Variants in TBC1D7 observed in about 807,000 individuals in gnomAD.
TBC1D7 encodes the protein TBC domain family 7.
TBC1D7 carries 33 observed loss-of-function variants against 35.3 expected under a neutral mutation model. That is an observed-to-expected ratio of 0.93 (90% CI 0.71 to 1.25). The LOEUF (loss-of-function observed/expected upper bound fraction) is 1.25. Among genes scored for constraint, TBC1D7 ranks in the 50% most tolerant of loss-of-function variants. TBC1D7 has a pLI of 0.00. For synonymous variants in TBC1D7, 135 were observed against 129.5 expected, an observed-to-expected ratio of 1.04 and a Z score of -0.29; for missense variants, 362 against 365.3, an observed-to-expected ratio of 0.99 and a Z score of 0.07.
intron 1 of TBC1D7, chr6:13,327,717 A>C (rs1352071585): frequency 6.6e-6 from 1 of 152,236 alleles, no homozygotes; most frequent in Admixed American, 6.5e-5. Context: ...AAGTTCCTTC[A>C]CAGTAACCTT....
Position 13,310,508 on chromosome 6 carries a change from T to A in TBC1D7, c.520-2763A>T, listed in dbSNP as rs1167056416. 3.3e-5 allele frequency among the ~76,000 whole-genome samples: 5 copies of A among 152,128 alleles called. No individual in the cohort carries two copies. The East Asian group carries it at 9.7e-4, about 29-fold the overall frequency. On this transcript the variant is annotated intron_variant, in intron 5 of 7. Coordinates refer to ENST00000379300, the MANE Select transcript of TBC1D7 (RefSeq NM_016495.6). ...CAAAAATTAGCTGGGCGTGGTGGCATGTGCCGGTGATCCCAGCTACTTGGG... is the reference window on the plus strand; with the variant it reads ...CAAAAATTAGCTGGGCGTGGTGGCAAGTGCCGGTGATCCCAGCTACTTGGG...
In TBC1D7 at chr6:13,307,739, C is replaced by T. The variant is rs1377068079; in HGVS notation, c.526G>A (p.Ala176Thr). 1 of 1,613,412 alleles carries T rather than the reference C, an allele frequency of 6.2e-7. No individual in the cohort carries two copies. Among genetic ancestry groups the T allele is most frequent in the Non-Finnish European group, 8.5e-7 (1 of 1,179,558 alleles). Residue 176 changes from alanine (A) to threonine (T), a missense_variant, in exon 6 of 8, where the codon GCG becomes ACG. By Grantham distance (58) the Ala-to-Thr change is moderately conservative. Coordinates refer to ENST00000379300, the MANE Select transcript of TBC1D7 (RefSeq NM_016495.6). ...TCCAGATTCAAGTATTGTTCAAACG[C>T]TTTTGGCTAAAGATTAAGCAAGAAC... ...YRDSLPQLPK[A>T]FEQYLNLEDG...
rs3816213 is a variant in TBC1D7 at position 13,317,033 on chromosome 6, C to T, written c.382-325G>A. ...GACTCTCTCCACCCAAAAATATTCT[C>T]AGTACTAGGTGAGGATATCTTTGAA... On this transcript the variant is annotated intron_variant, in intron 4 of 7. Coordinates refer to ENST00000379300, the MANE Select transcript of TBC1D7 (RefSeq NM_016495.6). Among the ~76,000 whole-genome samples, 2,721 of 152,264 alleles carry T rather than the reference C, an allele frequency of 0.018. 70 individuals are homozygous for T. The highest frequency in any genetic ancestry group is 0.088 in the East Asian group (456 of 5,180).
At chr6:13,322,846 G>A (rs916409133) in intron 3 of TBC1D7, among the ~76,000 whole-genome samples, 3 of 152,190 alleles carry the variant, frequency 2.0e-5, no homozygotes, top group Non-Finnish European at 4.4e-5. Context: ...CCCTGCTAGA[G>A]GCAGCACATT....
chr6:13,321,888 C>T (rs763162760), intron 3 of TBC1D7, among the ~76,000 whole-genome samples: 16 of 152,174 alleles, frequency 1.1e-4, no homozygotes, highest in Non-Finnish European at 2.4e-4. Context: ...CCTCATCAAA[C>T]AGATTTGGGA....
intron 5 of TBC1D7, among the ~76,000 whole-genome samples, chr6:13,315,624 G>T (rs3001956): frequency 0.018 from 2,742 of 152,290 alleles, 65 homozygotes; most frequent in African/African-American, 0.061. Flanking sequence ...GGCTAAAGCA[G>T]GAGAATCATT....
chr6:13,324,098 T>C (rs1784240634), intron 3 of TBC1D7, among the ~76,000 whole-genome samples: 1 of 152,084 alleles, frequency 6.6e-6, no homozygotes, highest in Non-Finnish European at 1.5e-5. Flanking sequence ...TATCTTACAG[T>C]GAACAAACTG....
chr6:13,307,597 T>C lies in TBC1D7; in HGVS notation c.665+3A>G. 1 of 1,614,088 alleles carries C rather than the reference T, an allele frequency of 6.2e-7. No individual in the cohort carries two copies. ...TCAATATGTCTTCGAAAGACCTACT[T>C]GCCTCTGTAAACTGGATTCAGGCAA... On this transcript the variant is annotated splice_donor_region_variant and intron_variant, in intron 6 of 7. Transcript: ENST00000379300.
rs148953294 is a variant in TBC1D7 at position 13,310,081 on chromosome 6, G to T, written c.520-2336C>A. On this transcript the variant is annotated intron_variant, in intron 5 of 7. Coordinates refer to ENST00000379300, the MANE Select transcript of TBC1D7 (RefSeq NM_016495.6). ...ATCTACTGGTTGTGAGGATGGAAAAGACTATGAGCTCTATGAAGGGGAATT... is the reference window on the plus strand; with the variant it reads ...ATCTACTGGTTGTGAGGATGGAAAATACTATGAGCTCTATGAAGGGGAATT... Among the ~76,000 whole-genome samples, 279 of 152,296 alleles carry T rather than the reference G, an allele frequency of 1.8e-3. 1 individual carries two copies. The highest frequency in any genetic ancestry group is 6.5e-3 in the African/African-American group (272 of 41,568).
chr6:13,311,630 A>G (rs367799671), intron 5 of TBC1D7, among the ~76,000 whole-genome samples: 2 of 152,358 alleles, frequency 1.3e-5, no homozygotes, highest in South Asian at 2.1e-4. Flanking sequence ...TGAGAACTTC[A>G]TAACTACTTA....
intron 4 of TBC1D7, among the ~76,000 whole-genome samples, chr6:13,317,132 T>A (rs1687664076): frequency 6.6e-6 from 1 of 152,176 alleles, no homozygotes; most frequent in Non-Finnish European, 1.5e-5. Context: ...ATTGAAGAGC[T>A]CCAAAAAGAC....
chr6:13,307,958 A>T (rs1782926198), intron 5 of TBC1D7, among the ~76,000 whole-genome samples: 1 of 152,230 alleles, frequency 6.6e-6, no homozygotes, highest in South Asian at 2.1e-4. Flanking sequence ...GTTTCCCAGG[A>T]CACAGGGCTC....
intron 6 of TBC1D7, 52 bp downstream of exon 6, chr6:13,307,548 G>C: frequency 1.9e-6 from 3 of 1,594,644 alleles, no homozygotes; most frequent in East Asian, 2.2e-5. Context: ...TGAAAGGCCA[G>C]AACTCTGCTC....
intron 5 of TBC1D7, among the ~76,000 whole-genome samples, chr6:13,313,327 C>A (rs1245886091): frequency 6.6e-6 from 1 of 152,072 alleles, no homozygotes; most frequent in African/African-American, 2.4e-5. Flanking sequence ...AAATAAGATG[C>A]CATTTCACTA....
chr6:13,312,120 G>C (rs1783258841), intron 5 of TBC1D7, among the ~76,000 whole-genome samples: 1 of 152,142 alleles, frequency 6.6e-6, no homozygotes, highest in South Asian at 2.1e-4. Context: ...ACTTCTCTGT[G>C]CTTCAGTATC....
intron 3 of TBC1D7, among the ~76,000 whole-genome samples, chr6:13,322,858 A>C (rs1025074050): frequency 2.0e-5 from 3 of 152,068 alleles, no homozygotes; most frequent in Admixed American, 6.6e-5. Flanking sequence ...CAGCACATTA[A>C]CCCTTAAACC....
chr6:13,306,076 AG>A (rs939315175), intron 7 of TBC1D7: 3 of 218,506 alleles, frequency 1.4e-5, no homozygotes, highest in Admixed American at 6.3e-5. Flanking sequence ...GGCCAACTTT[AG>A]GCCAAACTTT....
chr6:13,320,761 G>A, intron 4 of TBC1D7, 147 bp downstream of exon 4: 1 of 804,208 alleles, frequency 1.2e-6, no homozygotes, highest in Non-Finnish European at 2.2e-6. Context: ...GCATGGCCAT[G>A]AATGCCAAGT....
chr6:13,314,153 C>T (rs992748353), intron 5 of TBC1D7, among the ~76,000 whole-genome samples: 39 of 150,646 alleles, frequency 2.6e-4, no homozygotes, highest in African/African-American at 8.5e-4. Flanking sequence ...TGCAGTGAGC[C>T]GAGATTGCGC....
Sources: gnomAD v4.1 joint callset for allele counts (sites outside exome capture counted in the v4.1 genomes callset) on GRCh38, gnomAD v4.1.1 for gene constraint, MANE v1.5 for transcripts, NCBI Gene and HGNC (gene_info 2026-07-23, HGNC 2026-07-21) for gene names.